Variants in KANSL1L observed in about 807,000 individuals in gnomAD.
KANSL1L encodes KAT8 regulatory NSL complex subunit 1 like, also known as KAT8 regulatory NSL complex subunit 1-like protein.
In KANSL1L, 25 loss-of-function variants were observed where a neutral mutation model predicts 108.6. That is an observed-to-expected ratio of 0.23 (90% CI 0.17 to 0.32). The LOEUF is 0.32. KANSL1L is among the 10% of genes least tolerant of loss of function. The pLI, the probability that KANSL1L is intolerant of heterozygous loss-of-function variation, is 1.00. For synonymous variants in KANSL1L, 405 were observed against 395.1 expected (o/e 1.03, Z -0.30); for missense variants, 1,137 against 1,125.7 (o/e 1.01, Z -0.14).
At chr2:210,041,209 G>A (rs1038627647) in intron 7 of KANSL1L, among the ~76,000 whole-genome samples, 2 of 152,164 alleles carry the variant, frequency 1.3e-5, no homozygotes, top group East Asian at 3.9e-4. Flanking sequence ...AAGCAATGAA[G>A]TAGTTATGCT....
In KANSL1L at chr2:210,061,038, A is replaced by G. The variant is rs184845282; in HGVS notation, c.1755+14514T>C. On this transcript the variant is annotated intron_variant, in intron 6 of 14. Coordinates refer to ENST00000281772, the MANE Select transcript of KANSL1L (RefSeq NM_152519.4). ...CAAATAAAACTCTGGGCTTTTCCCT[A>G]CCTTCAACCAACCATTTCTACTTTT... Among the ~76,000 whole-genome samples the G allele has an allele frequency of 1.8e-3, 275 of 152,334 alleles. 2 individuals carry two copies. The highest frequency in any genetic ancestry group is 6.4e-3 in the African/African-American group (268 of 41,574).
chr2:210,049,464 G>A (rs2094264063), intron 6 of KANSL1L, among the ~76,000 whole-genome samples: 1 of 151,944 alleles, frequency 6.6e-6, no homozygotes, highest in Non-Finnish European at 1.5e-5. Context: ...GGAGTCAGAA[G>A]TGCAGAATTG....
At chr2:210,049,612 C>A (rs1301826689) in intron 6 of KANSL1L, among the ~76,000 whole-genome samples, 1 of 151,984 alleles carries the variant, frequency 6.6e-6, no homozygotes, top group Non-Finnish European at 1.5e-5. Flanking sequence ...GAAAAATTTT[C>A]TTTCAATAAA....
chr2:210,138,334 G>A (rs2095193918), intron 2 of KANSL1L, among the ~76,000 whole-genome samples: 2 of 151,794 alleles, frequency 1.3e-5, no homozygotes, highest in Admixed American at 6.6e-5. Context: ...GGAAGGGGGT[G>A]GGTAAGGGTT....
intron 3 of KANSL1L, among the ~76,000 whole-genome samples, chr2:210,108,106 G>A (rs2094868327): frequency 6.6e-6 from 1 of 152,060 alleles, no homozygotes; most frequent in Non-Finnish European, 1.5e-5. Context: ...GAAGCTATAA[G>A]AGCAAGGAAA....
chr2:210,130,601 T>C (rs1239514697), intron 2 of KANSL1L, among the ~76,000 whole-genome samples: 1 of 152,200 alleles, frequency 6.6e-6, no homozygotes, highest in African/African-American at 2.4e-5. Context: ...GGTATTATTA[T>C]TTATTGTTTA....
chr2:210,148,891 A>G (rs1297990242), intron 2 of KANSL1L, among the ~76,000 whole-genome samples: 1 of 152,174 alleles, frequency 6.6e-6, no homozygotes, highest in Non-Finnish European at 1.5e-5. Flanking sequence ...TAGAAGGCAT[A>G]TAATATTAAT....
At chr2:210,045,491 A>T (rs892319021) in intron 6 of KANSL1L, among the ~76,000 whole-genome samples, 1 of 152,296 alleles carries the variant, frequency 6.6e-6, no homozygotes, top group African/African-American at 2.4e-5. Context: ...CTCACAATAT[A>T]TTGGTGTTAT....
intron 7 of KANSL1L, among the ~76,000 whole-genome samples, chr2:210,042,969 A>C (rs182585405): frequency 6.6e-6 from 1 of 152,194 alleles, no homozygotes; most frequent in Admixed American, 6.5e-5. Flanking sequence ...AAAATGGAAC[A>C]AAAGCTAAGT....
chr2:210,110,455 TTTTTAAACAGG>T (rs1433181548), intron 3 of KANSL1L, among the ~76,000 whole-genome samples: 2 of 152,220 alleles, frequency 1.3e-5, no homozygotes, highest in African/African-American at 4.8e-5. Flanking sequence ...TTCATTTATG[TTTTTAAACAGG>T]TTTGAAAATG....
At chr2:210,123,382 C>T (rs555910907) in intron 3 of KANSL1L, among the ~76,000 whole-genome samples, 3 of 152,118 alleles carry the variant, frequency 2.0e-5, no homozygotes, top group African/African-American at 4.8e-5. Context: ...TTTGCAACAA[C>T]GTGGATGGAA....
At chr2:210,123,219 G>A (rs1200014494) in intron 3 of KANSL1L, among the ~76,000 whole-genome samples, 1 of 152,094 alleles carries the variant, frequency 6.6e-6, no homozygotes, top group African/African-American at 2.4e-5. Context: ...ATATTGAACA[G>A]GTATCTGCAC....
chr2:210,136,353 C>CTTGTATGGAAAGAATTT (rs2095174240), intron 2 of KANSL1L, among the ~76,000 whole-genome samples: 2 of 152,098 alleles, frequency 1.3e-5, no homozygotes, highest in Non-Finnish European at 2.9e-5. Context: ...GCTACCACGC[C>CTTGTATGGAAAGAATTT]TCTTCTCTTG....
intron 5 of KANSL1L, among the ~76,000 whole-genome samples, chr2:210,092,885 A>C (rs1439590311): frequency 6.6e-6 from 1 of 152,084 alleles, no homozygotes; most frequent in Non-Finnish European, 1.5e-5. Flanking sequence ...ATCCATGTAA[A>C]AAGTCTCCAC....
intron 3 of KANSL1L, among the ~76,000 whole-genome samples, 196 bp from the exon 4 acceptor site, chr2:210,104,497 T>C (rs1364898405): frequency 2.0e-5 from 3 of 152,184 alleles, no homozygotes; most frequent in African/African-American, 4.8e-5. Flanking sequence ...GGTTGATAGG[T>C]TGGACTTGTA....
intron 8 of KANSL1L, chr2:210,032,498 T>C (rs1402089858): frequency 3.3e-5 from 5 of 152,160 alleles, no homozygotes; most frequent in Non-Finnish European, 7.3e-5. Flanking sequence ...CTAAAGGTGC[T>C]CTAGACCCAC....
At chr2:210,049,333 T>C (rs950230251) in intron 6 of KANSL1L, among the ~76,000 whole-genome samples, 2 of 150,838 alleles carry the variant, frequency 1.3e-5, no homozygotes, top group East Asian at 3.9e-4. Flanking sequence ...CCCTTTCTCT[T>C]ATTCTGAGGA....
intron 1 of KANSL1L, among the ~76,000 whole-genome samples, chr2:210,164,684 A>G (rs1470454501): frequency 2.6e-5 from 4 of 152,090 alleles, no homozygotes; most frequent in Admixed American, 2.6e-4. Context: ...AGAAATGAAA[A>G]TATCAAACTT....
chr2:210,168,330 T>C (rs551903025), intron 1 of KANSL1L, among the ~76,000 whole-genome samples: 5 of 151,950 alleles, frequency 3.3e-5, no homozygotes, highest in Admixed American at 1.3e-4. Flanking sequence ...ATAGACAAAA[T>C]AAGGGTATGG....
Sources: gnomAD v4.1 joint callset for allele counts (sites outside exome capture counted in the v4.1 genomes callset) on GRCh38, gnomAD v4.1.1 for gene constraint, MANE v1.5 for transcripts, NCBI Gene and HGNC (gene_info 2026-07-23, HGNC 2026-07-21) for gene names.